PPP1R9A: variants seen among roughly 807,000 people sequenced by gnomAD.
PPP1R9A encodes protein phosphatase 1 regulatory subunit 9A, also known as neurabin-1.
In PPP1R9A, 59 loss-of-function variants were observed where a neutral mutation model predicts 141.9. The observed-to-expected ratio is 0.42, with a 90% CI of 0.34 to 0.52. PPP1R9A has a LOEUF of 0.52. Among genes scored for constraint, PPP1R9A ranks in the 20% least tolerant of loss-of-function variants. PPP1R9A has a pLI of 0.10. For missense variants in PPP1R9A, 1,444 were observed against 1,611.9 expected (o/e 0.90, Z 1.78); for synonymous variants, 500 against 569.7 (o/e 0.88, Z 1.74).
intron 2 of PPP1R9A, among the ~76,000 whole-genome samples, chr7:94,963,456 T>G (rs535842801): frequency 1.3e-5 from 2 of 152,298 alleles, no homozygotes; most frequent in East Asian, 1.9e-4. Flanking sequence ...ACCCCATCCC[T>G]GGCTCACATT....
intron 5 of PPP1R9A, chr7:95,175,203 A>C (rs1832722660): frequency 6.6e-6 from 1 of 152,120 alleles, no homozygotes; most frequent in African/African-American, 2.4e-5. Flanking sequence ...GGAGTCAAGG[A>C]TCACTTGGGT....
rs1027193469 is a variant in PPP1R9A at position 94,929,042 on chromosome 7, A to G, written c.1395+17534A>G. On this transcript the variant is annotated intron_variant, in intron 2 of 19. Transcript: ENST00000433360. ...TGTCAAAAGATTGGTAAATGAATAT[A>G]CTTCTAGGTGTCTTACATTAATATA... Among the ~76,000 whole-genome samples the G allele has an allele frequency of 2.0e-5, 3 of 152,220 alleles. 1 individual carries two copies. Among genetic ancestry groups the G allele is most frequent in the South Asian group, 4.1e-4 (2 of 4,834 alleles).
chr7:95,141,594 A>G (rs1252032835), intron 4 of PPP1R9A, among the ~76,000 whole-genome samples: 2 of 150,588 alleles, frequency 1.3e-5, no homozygotes, highest in Non-Finnish European at 1.5e-5. Context: ...TCTCCTGGCC[A>G]TTTCATGTAA....
At chr7:94,918,476 T>G (rs1251497419) in intron 2 of PPP1R9A, among the ~76,000 whole-genome samples, 1 of 152,140 alleles carries the variant, frequency 6.6e-6, no homozygotes, top group Non-Finnish European at 1.5e-5. Flanking sequence ...AATTTTAATT[T>G]GCAATTTTTT....
At chr7:95,159,784 G>C (rs1830176843) in intron 4 of PPP1R9A, among the ~76,000 whole-genome samples, 1 of 151,820 alleles carries the variant, frequency 6.6e-6, no homozygotes, top group South Asian at 2.1e-4. Context: ...ACATTAGCCG[G>C]GCTTGGTGGT....
intron 7 of PPP1R9A, among the ~76,000 whole-genome samples, chr7:95,216,139 G>T (rs144904019): frequency 0.38 from 58,027 of 151,946 alleles, 11,772 homozygotes; most frequent in South Asian, 0.49. Flanking sequence ...CATCTTGAAT[G>T]AATTTTTGTA....
chr7:94,930,481 G>C (rs1794019300), intron 2 of PPP1R9A, among the ~76,000 whole-genome samples: 2 of 152,076 alleles, frequency 1.3e-5, no homozygotes, highest in South Asian at 4.1e-4. Context: ...GGCATTACAG[G>C]TGCCCCCAAA....
chr7:95,184,936 G>C (rs1834403253), intron 5 of PPP1R9A, among the ~76,000 whole-genome samples: 1 of 151,874 alleles, frequency 6.6e-6, no homozygotes, highest in Non-Finnish European at 1.5e-5. Context: ...ACGTGAGTGT[G>C]TGGGTGTCTT....
rs538291636 is a variant in PPP1R9A at position 95,217,268 on chromosome 7, G to A, written c.1957-8693G>A. The stretch of plus-strand genomic sequence containing the variant: ...TGGTTCTGTTTACATGCTGGATTAC[G>A]TTTATTGATTTGCGTGTGAGGAACC... On this transcript the variant is annotated intron_variant, in intron 7 of 19. Coordinates refer to ENST00000433360, the MANE Select transcript of PPP1R9A (RefSeq NM_001166160.2). Among the ~76,000 whole-genome samples the A allele has an allele frequency of 9.2e-5, 14 of 152,226 alleles. No individual in the cohort carries two copies. In the South Asian group the frequency reaches 1.2e-3, roughly 14 times the overall value.
At chr7:95,133,513 T>TTTTATA (rs1438772952) in intron 4 of PPP1R9A, among the ~76,000 whole-genome samples, 7 of 132,692 alleles carry the variant, frequency 5.3e-5, no homozygotes, top group South Asian at 2.5e-4. Flanking sequence ...TGCAGTCGTA[T>TTTTATA]TATATATATA....
At chr7:95,134,267 A>G (rs1028439431) in intron 4 of PPP1R9A, among the ~76,000 whole-genome samples, 13 of 152,046 alleles carry the variant, frequency 8.6e-5, no homozygotes, top group Middle Eastern at 3.4e-3. Context: ...GAGTTGAACA[A>G]TGAGAATACA....
At chr7:95,117,223 T>C (rs1821680930) in intron 3 of PPP1R9A, among the ~76,000 whole-genome samples, 1 of 151,948 alleles carries the variant, frequency 6.6e-6, no homozygotes. Flanking sequence ...GCCTTGGTGC[T>C]TTGCCTGTCC....
At chr7:95,146,678 G>A (rs1239177848) in intron 4 of PPP1R9A, among the ~76,000 whole-genome samples, 1 of 152,138 alleles carries the variant, frequency 6.6e-6, no homozygotes, top group Non-Finnish European at 1.5e-5. Flanking sequence ...TTTGTATAAG[G>A]TGTAAGGAAG....
intron 2 of PPP1R9A, among the ~76,000 whole-genome samples, chr7:94,912,359 C>T (rs1031713822): frequency 2.0e-5 from 3 of 152,078 alleles, no homozygotes; most frequent in African/African-American, 4.8e-5. Flanking sequence ...TGGTTGAGTA[C>T]CAGAATCTCC....
At chr7:95,023,930 A>G (rs1052078039) in intron 2 of PPP1R9A, among the ~76,000 whole-genome samples, 3 of 152,192 alleles carry the variant, frequency 2.0e-5, no homozygotes, top group African/African-American at 4.8e-5. Flanking sequence ...ATTTAGTGCT[A>G]TAAGTTTCTC....
intron 2 of PPP1R9A, among the ~76,000 whole-genome samples, chr7:94,920,972 A>T (rs1197400269): frequency 2.0e-5 from 3 of 151,514 alleles, no homozygotes; most frequent in Admixed American, 2.0e-4. Flanking sequence ...TTTTAAAAAT[A>T]TGTAAGTATA....
At chr7:95,156,989 C>G (rs1346483825) in intron 4 of PPP1R9A, 2 of 152,438 alleles carry the variant, frequency 1.3e-5, no homozygotes, top group East Asian at 3.9e-4. Flanking sequence ...AGTCCATGGG[C>G]AGCCATGGGC....
chr7:95,259,278 C>T (rs997261518), intron 12 of PPP1R9A, among the ~76,000 whole-genome samples: 1 of 150,564 alleles, frequency 6.6e-6, no homozygotes, highest in South Asian at 2.1e-4. Flanking sequence ...GATGGAGGTA[C>T]ATGGTTGTCT....
chr7:95,151,930 G>A (rs1351741762), intron 4 of PPP1R9A, among the ~76,000 whole-genome samples: 1 of 134,650 alleles, frequency 7.4e-6, no homozygotes, highest in Non-Finnish European at 1.6e-5. Context: ...TCAGCACATA[G>A]TACTGAGAAT....
Sources: allele counts gnomAD v4.1 joint callset (sites outside exome capture counted in the v4.1 genomes callset), GRCh38; gene constraint gnomAD v4.1.1; transcripts MANE v1.5; gene names NCBI Gene and HGNC (gene_info 2026-07-23, HGNC 2026-07-21).